The following CFH variants were observed in gnomAD, a reference collection of about 807,000 sequenced individuals.
CFH encodes H factor 1 (complement).
Under a neutral mutation model 147.3 loss-of-function variants are expected in CFH, and 53 were observed. The ratio of observed to expected loss-of-function variants is 0.36; its 90% CI spans 0.29 to 0.45. CFH has a LOEUF of 0.45. Ranked by LOEUF, CFH falls within the 20% of genes least tolerant of loss-of-function variation. The pLI, the probability that CFH is intolerant of heterozygous loss-of-function variation, is 1.00. For missense variants in CFH, 1,380 were observed against 1,498.0 expected (o/e 0.92, Z 1.30); for synonymous variants, 536 against 489.4 (o/e 1.10, Z -1.26).
At chr1:196,730,259 C>T (rs75053152) in intron 15 of CFH, among the ~76,000 whole-genome samples, 2,206 of 151,882 alleles carry the variant, frequency 0.015, 55 homozygotes, top group African/African-American at 0.05. Context: ...TTTGCTGCAT[C>T]CCATAAGTTT....
intron 7 of CFH, among the ~76,000 whole-genome samples, chr1:196,687,152 T>C (rs1264498171): frequency 1.3e-5 from 2 of 152,092 alleles, no homozygotes; most frequent in Non-Finnish European, 2.9e-5. Flanking sequence ...TATGAATATA[T>C]TAGCAGCAGT....
Position 196,713,768 on chromosome 1 carries a change from A to G in CFH, c.1370A>G (p.Asn457Ser). 2 of 1,600,108 alleles carry G rather than the reference A, an allele frequency of 1.2e-6. No homozygotes were observed. Among genetic ancestry groups the G allele is most frequent in the Non-Finnish European group, 1.7e-6 (2 of 1,168,088 alleles). Residue 457 changes from asparagine to serine, a missense_variant, in exon 10 of 22, where the codon AAT becomes AGT. By Grantham distance (46) the Asn-to-Ser change is conservative. This residue lies in a region of CFH where 830 missense variants were observed against 821.4 expected (regional missense o/e 1.01). Transcript: ENST00000367429. ...TCCAAATCAAGTATAGATATTGAGA[A>G]TGGGTTTATTTCTGAATCTCAGTAT... ...TCSKSSIDIE[N>S]GFISESQYTY...
intron 9 of CFH, among the ~76,000 whole-genome samples, chr1:196,692,881 C>CCTACCTACCTACCTTCCTTCCTT (rs1553275284): frequency 1.7e-5 from 1 of 57,324 alleles, no homozygotes; most frequent in South Asian, 6.3e-4. Context: ...TCTGTCACCT[C>CCTACCTACCTACCTTCCTTCCTT]CCTCCCTCCC....
chr1:196,738,585 G>T (rs181319806), intron 17 of CFH, among the ~76,000 whole-genome samples: 2 of 152,276 alleles, frequency 1.3e-5, no homozygotes, highest in African/African-American at 4.8e-5. Flanking sequence ...AAATTTCCAA[G>T]ATTATCTCCT....
intron 17 of CFH, 90 bp from the exon 18 acceptor site, chr1:196,740,515 CTCCTGTATTGTTTA>C: frequency 9.0e-7 from 1 of 1,109,490 alleles, no homozygotes; most frequent in South Asian, 1.4e-5. Flanking sequence ...GTCATAGTAG[CTCCTGTATTGTTTA>C]TTTTCAAATA....
chr1:196,693,510 G>A (rs1334741855), intron 9 of CFH, among the ~76,000 whole-genome samples: 2 of 152,072 alleles, frequency 1.3e-5, no homozygotes, highest in African/African-American at 4.8e-5. Flanking sequence ...AACCCAAGTA[G>A]ACTATGTTTT....
chr1:196,669,751 G>T (rs1457697430), intron 1 of CFH, among the ~76,000 whole-genome samples: 1 of 152,178 alleles, frequency 6.6e-6, no homozygotes, highest in Non-Finnish European at 1.5e-5. Context: ...GGAAATGTAG[G>T]ATTGGAGCCC....
chr1:196,663,514 T>G (rs1558150485), intron 1 of CFH, among the ~76,000 whole-genome samples: 1 of 152,210 alleles, frequency 6.6e-6, no homozygotes, highest in Non-Finnish European at 1.5e-5. Context: ...GTATTGTTGA[T>G]TATAGTCTGT....
chr1:196,734,308 T>C (rs1272501750), intron 15 of CFH, among the ~76,000 whole-genome samples: 1 of 152,068 alleles, frequency 6.6e-6, no homozygotes, highest in Non-Finnish European at 1.5e-5. Context: ...TGAATAGATG[T>C]TTTTTTAGGA....
chr1:196,666,431 ATTGT>A (rs1159559872), intron 1 of CFH, among the ~76,000 whole-genome samples: 5 of 151,900 alleles, frequency 3.3e-5, no homozygotes, highest in African/African-American at 1.2e-4. Context: ...TATTTCCATT[ATTGT>A]TTATTTCAAA....
chr1:196,741,387 GGAGT>G, intron 18 of CFH: 1 of 179,488 alleles, frequency 5.6e-6, no homozygotes, highest in East Asian at 1.5e-4. Context: ...AGGAGAGAGA[GGAGT>G]GAGTGAAGGA....
chr1:196,717,718 C>A (rs1009599694), intron 11 of CFH, among the ~76,000 whole-genome samples: 1 of 152,060 alleles, frequency 6.6e-6, no homozygotes, highest in Non-Finnish European at 1.5e-5. Context: ...GACACCAGAG[C>A]AGATACAGCA....
chr1:196,723,068 T>G (rs1669040057), intron 11 of CFH, among the ~76,000 whole-genome samples: 1 of 152,202 alleles, frequency 6.6e-6, no homozygotes, highest in African/African-American at 2.4e-5. Flanking sequence ...TTCTTTGGTA[T>G]TTCAAAGATT....
chr1:196,694,874 G>A (rs1010552583), intron 9 of CFH, among the ~76,000 whole-genome samples: 1 of 152,166 alleles, frequency 6.6e-6, no homozygotes, highest in Non-Finnish European at 1.5e-5. Context: ...TTATAAATTT[G>A]TTTAAGTTCC....
chr1:196,677,106 T>C, intron 4 of CFH: 1 of 172,876 alleles, frequency 5.8e-6, no homozygotes, highest in Non-Finnish European at 1.3e-5. Flanking sequence ...GTCATAAAGT[T>C]TGCTTTTACA....
intron 1 of CFH, among the ~76,000 whole-genome samples, chr1:196,656,685 CG>C (rs1302245412): frequency 1.7e-5 from 2 of 114,548 alleles, no homozygotes; most frequent in Non-Finnish European, 3.2e-5. Flanking sequence ...ATGTGTGTTG[CG>C]TTTTTTTTTT....
chr1:196,686,855 T>A (rs569708918), intron 7 of CFH, among the ~76,000 whole-genome samples: 1 of 152,256 alleles, frequency 6.6e-6, no homozygotes, highest in Admixed American at 6.5e-5. Flanking sequence ...ATGAGTTATA[T>A]GGTTTATCAG....
chr1:196,689,942 A>G (rs540369234), intron 8 of CFH, 121 bp from the exon 9 acceptor site: 11 of 1,173,182 alleles, frequency 9.4e-6, no homozygotes, highest in South Asian at 1.6e-5. Flanking sequence ...TCAGTTATAC[A>G]TTATTTTTGG....
intron 9 of CFH, among the ~76,000 whole-genome samples, chr1:196,713,436 G>A (rs1668771240): frequency 6.6e-6 from 1 of 152,166 alleles, no homozygotes; most frequent in African/African-American, 2.4e-5. Flanking sequence ...ATTGTCTATT[G>A]AGTTCTGACA....
Sources: gnomAD v4.1 joint callset for allele counts (sites outside exome capture counted in the v4.1 genomes callset) on GRCh38, gnomAD v4.1.1 for gene constraint, gnomAD v4.1.1 regional missense constraint, MANE v1.5 for transcripts, NCBI Gene and HGNC (gene_info 2026-07-23, HGNC 2026-07-21) for gene names.